Variants in CNTNAP2 observed in about 807,000 individuals in gnomAD.
CNTNAP2 encodes the protein contactin-associated protein-like 2.
A neutral mutation model predicts 155.2 loss-of-function variants in CNTNAP2; 98 were observed. That is an observed-to-expected ratio of 0.63 (90% confidence interval 0.54 to 0.75). The LOEUF (loss-of-function observed/expected upper bound fraction) is 0.75. Ranked by LOEUF, CNTNAP2 falls within the 30% of genes least tolerant of loss-of-function variation. The pLI, the probability that CNTNAP2 is intolerant of heterozygous loss-of-function variation, is 0.00. For missense variants in CNTNAP2, 1,727 were observed against 1,688.1 expected (o/e 1.02, Z -0.40); for synonymous variants, 651 against 631.2 (o/e 1.03, Z -0.47).
intron 1 of CNTNAP2, among the ~76,000 whole-genome samples, chr7:146,348,648 G>C (rs1479644418): frequency 6.6e-6 from 1 of 151,850 alleles, no homozygotes; most frequent in Admixed American, 6.6e-5. Flanking sequence ...AATCACACTT[G>C]TTTGGAATAA....
rs1287812774 is a variant in CNTNAP2, at chr7:146,535,373, T to C, written c.98-238898T>C. On this transcript the variant is annotated intron_variant, in intron 1 of 23. Coordinates refer to ENST00000361727, the MANE Select transcript of CNTNAP2 (RefSeq NM_014141.6). ...ATATGATATTATATAATGTATATTA[T>C]ATATGATATAATATATGATATATAT... is the stretch of plus-strand genomic sequence containing the variant. Among the ~76,000 whole-genome samples the C allele has an allele frequency of 2.8e-5, 2 of 71,376 alleles. 1 individual carries two copies. The highest frequency in any genetic ancestry group is 4.4e-5 in the Non-Finnish European group (2 of 44,952). 46.8% of individuals were successfully genotyped at this position (71,376 alleles called of 152,430 possible). A position where few individuals can be genotyped will look rare whatever the true frequency, so the allele number is the denominator to read the frequency against.
chr7:148,122,400 G>T (rs1283758770), intron 16 of CNTNAP2, among the ~76,000 whole-genome samples: 1 of 152,202 alleles, frequency 6.6e-6, no homozygotes. Context: ...AATTTTGATG[G>T]ATAAGTAGAA....
chr7:147,033,632 AT>A (rs1003822187), intron 3 of CNTNAP2, among the ~76,000 whole-genome samples: 12 of 152,146 alleles, frequency 7.9e-5, no homozygotes, highest in Non-Finnish European at 1.8e-4. Flanking sequence ...GCACATTTAT[AT>A]TCATTTACTT....
chr7:148,199,513 C>T (rs542673617), intron 18 of CNTNAP2, among the ~76,000 whole-genome samples: 1 of 152,298 alleles, frequency 6.6e-6, no homozygotes, highest in African/African-American at 2.4e-5. Flanking sequence ...GTCGAAAACA[C>T]GTCTCCAAAG....
intron 13 of CNTNAP2, among the ~76,000 whole-genome samples, chr7:147,802,094 T>C (rs865804489): frequency 6.5e-4 from 83 of 127,888 alleles, no homozygotes; most frequent in Middle Eastern, 5.4e-3. Flanking sequence ...TCCTCACTTC[T>C]CAGACGGGGC....
At chr7:147,136,760 C>T (rs375753892) in intron 8 of CNTNAP2, among the ~76,000 whole-genome samples, 19 of 151,974 alleles carry the variant, frequency 1.3e-4, no homozygotes, top group East Asian at 9.7e-4. Context: ...TAACTTGCCC[C>T]ATGAGACATC....
chr7:147,772,181 T>C lies in CNTNAP2; in HGVS notation c.2099-131384T>C, dbSNP rs1797480457. Among the ~76,000 whole-genome samples the C allele has an allele frequency of 2.6e-5, 4 of 151,660 alleles. No homozygotes were observed. In the South Asian group the frequency reaches 8.3e-4, roughly 32 times the overall value. ...TGGCTCACACCTGTAATCCCAGCAC[T>C]TTGGGAGGCCAAGGCGGGTGGATCA... On this transcript the variant is annotated intron_variant, in intron 13 of 23. Coordinates refer to ENST00000361727, the MANE Select transcript of CNTNAP2 (RefSeq NM_014141.6).
intron 21 of CNTNAP2, among the ~76,000 whole-genome samples, chr7:148,346,436 C>G (rs1563051995): frequency 6.6e-6 from 1 of 152,104 alleles, no homozygotes; most frequent in Non-Finnish European, 1.5e-5. Flanking sequence ...GAACAATTTT[C>G]TATTAAGTTG....
intron 15 of CNTNAP2, among the ~76,000 whole-genome samples, chr7:147,989,019 G>A (rs1414905194): frequency 6.6e-6 from 1 of 152,182 alleles, no homozygotes; most frequent in Non-Finnish European, 1.5e-5. Flanking sequence ...TAACAAAGTG[G>A]AGGAGATTAG....
chr7:147,368,361 G>C (rs537211323), intron 9 of CNTNAP2, among the ~76,000 whole-genome samples: 29 of 152,152 alleles, frequency 1.9e-4, no homozygotes, highest in Non-Finnish European at 3.5e-4. Context: ...AATGTCAGTT[G>C]AGTTGTGTTG....
intron 21 of CNTNAP2, among the ~76,000 whole-genome samples, chr7:148,346,773 T>TAAAAAAAAAAA (rs71188973): frequency 1.4e-5 from 2 of 147,118 alleles, no homozygotes; most frequent in African/African-American, 2.5e-5. Flanking sequence ...ACTCCATCTT[T>TAAAAAAAAAAA]AAAAAAAAAA....
At chr7:148,407,276 G>A (rs1406847101) in intron 22 of CNTNAP2, among the ~76,000 whole-genome samples, 1 of 152,162 alleles carries the variant, frequency 6.6e-6, no homozygotes, top group African/African-American at 2.4e-5. Context: ...TTGGGATTGG[G>A]AATATTAATC....
chr7:146,142,941 G>T (rs1034366261), intron 1 of CNTNAP2, among the ~76,000 whole-genome samples: 2 of 152,326 alleles, frequency 1.3e-5, no homozygotes, highest in African/African-American at 4.8e-5. Context: ...CCAGTAGTTA[G>T]TATGACTGAA....
Position 148,420,145 on chromosome 7 carries a change from C to A in CNTNAP2, c.*4529C>A, listed in dbSNP as rs1422886801. 1 of 152,154 alleles carries A rather than the reference C, an allele frequency of 6.6e-6. No homozygotes were observed. Among genetic ancestry groups the A allele is most frequent in the Non-Finnish European group, 1.5e-5 (1 of 68,024 alleles). 9.4% of individuals were successfully genotyped at this position (152,154 alleles called of 1,614,324 possible). ...GTCAACACTGGGAGATGCAACATAGCAAAAGGACAGAGAAATTAGAATTTT... is the reference window on the plus strand; with the variant it reads ...GTCAACACTGGGAGATGCAACATAGAAAAAGGACAGAGAAATTAGAATTTT... On this transcript the variant is annotated 3_prime_UTR_variant, in exon 24 of 24. Transcript: ENST00000361727.
intron 4 of CNTNAP2, among the ~76,000 whole-genome samples, chr7:147,066,000 A>G (rs979046861): frequency 7.2e-5 from 11 of 152,142 alleles, no homozygotes; most frequent in Non-Finnish European, 1.3e-4. Flanking sequence ...AAGGTGGAAA[A>G]GGTGGTTTTA....
At chr7:146,170,018 C>CTTTTTTTTTTTT (rs71175637) in intron 1 of CNTNAP2, among the ~76,000 whole-genome samples, 1 of 126,968 alleles carries the variant, frequency 7.9e-6, no homozygotes, top group Non-Finnish European at 1.7e-5. Flanking sequence ...CCTTTCTTTT[C>CTTTTTTTTTTTT]TTTTTTTTTT....
chr7:148,363,010 C>T (rs140690841), intron 21 of CNTNAP2, among the ~76,000 whole-genome samples: 8 of 151,896 alleles, frequency 5.3e-5, no homozygotes, highest in African/African-American at 1.7e-4. Flanking sequence ...AACGGAGTTT[C>T]GCTTTTTGTT....
At position 147,695,471 on chromosome 7, in the gene CNTNAP2, T is replaced by C. The variant is rs577742634; in HGVS notation, c.2098+56165T>C. 5.9e-5 allele frequency among the ~76,000 whole-genome samples: 9 copies of C among 152,298 alleles called. No individual in the cohort carries two copies. In the South Asian group the frequency reaches 1.4e-3, roughly 25 times the overall value. On this transcript the variant is annotated intron_variant, in intron 13 of 23. Coordinates refer to ENST00000361727, the MANE Select transcript of CNTNAP2 (RefSeq NM_014141.6). ...ACTATAACAGTGGGACTTAATCTAA[T>C]TCTCTGGGCAGTTCTATCAATTTTT...
chr7:147,866,419 T>C (rs1008876943), intron 13 of CNTNAP2, among the ~76,000 whole-genome samples: 2 of 152,202 alleles, frequency 1.3e-5, no homozygotes, highest in African/African-American at 4.8e-5. Flanking sequence ...GAGAGTTCTG[T>C]AGATGTCTAT....
Sources: allele counts gnomAD v4.1 joint callset (sites outside exome capture counted in the v4.1 genomes callset), GRCh38; gene constraint gnomAD v4.1.1; transcripts MANE v1.5; gene names NCBI Gene and HGNC (gene_info 2026-07-23, HGNC 2026-07-21).